The following PSD2 variants were observed in gnomAD, a reference collection of about 807,000 sequenced individuals.
PSD2 encodes PH and SEC7 domain-containing protein 2.
In PSD2, 38 loss-of-function variants were observed where a neutral mutation model predicts 69.8. The observed-to-expected ratio is 0.54, with a 90% confidence interval of 0.42 to 0.71. The LOEUF (loss-of-function observed/expected upper bound fraction) is 0.71. PSD2 is among the 30% of genes least tolerant of loss of function. PSD2 has a pLI of 0.00. For synonymous variants in PSD2, 412 were observed against 423.0 expected, an observed-to-expected ratio of 0.97 and a Z score of 0.32; for missense variants, 943 against 1,014.5, an observed-to-expected ratio of 0.93 and a Z score of 0.96.
At chr5:139,761,722 C>T in the PSD2 span, among the ~76,000 whole-genome samples, 1 of 152,214 alleles carries the variant, frequency 6.6e-6, no homozygotes, top group Admixed American at 6.5e-5. Context: ...AAATAGCCCA[C>T]CGGCCTCCAT....
chr5:139,799,125 T>C (rs79661763), intron 1 of PSD2, among the ~76,000 whole-genome samples: 2,200 of 152,256 alleles, frequency 0.014, 59 homozygotes, highest in African/African-American at 0.051. Context: ...TGCATGATAT[T>C]GGCAGGCACC....
At chr5:139,779,847 G>A in the PSD2 span, among the ~76,000 whole-genome samples, 1 of 152,292 alleles carries the variant, frequency 6.6e-6, no homozygotes, top group Non-Finnish European at 1.5e-5. Context: ...GTTGTTGCAT[G>A]TATCAGTAGT....
the PSD2 span, among the ~76,000 whole-genome samples, chr5:139,754,034 C>T: frequency 6.6e-6 from 1 of 152,264 alleles, no homozygotes; most frequent in African/African-American, 2.4e-5. Context: ...TGGGGTTTCA[C>T]CATGTTGGCC....
chr5:139,761,465 C>T, the PSD2 span, among the ~76,000 whole-genome samples: 2 of 152,158 alleles, frequency 1.3e-5, no homozygotes, highest in Non-Finnish European at 2.9e-5. Context: ...AAAGGGGCTT[C>T]GCACAGTTGT....
rs778176956 is a variant in PSD2 at position 139,813,396 on chromosome 5, C to G, written c.459C>G (p.Thr153=). The G allele has an allele frequency of 1.2e-6, 2 of 1,612,502 alleles. No individual in the cohort carries two copies. Among genetic ancestry groups the G allele is most frequent in the Non-Finnish European group, 1.7e-6 (2 of 1,178,724 alleles). Residue 153 remains threonine (T), a synonymous_variant, in exon 3 of 15, where the codon ACC becomes ACG. Coordinates refer to ENST00000274710, the MANE Select transcript of PSD2 (RefSeq NM_032289.4). The stretch of plus-strand genomic sequence containing the variant: ...TGGAGTCAGAGCTGCTGCGGGGCAC[C>G]CAGTACAGCAGCCTCGACTCCCTAG... ...KILESELLRG[T]QYSSLDSLDG...
At chr5:139,779,113 GTTTTTTAA>G in the PSD2 span, among the ~76,000 whole-genome samples, 1 of 151,910 alleles carries the variant, frequency 6.6e-6, no homozygotes, top group Admixed American at 6.6e-5. Flanking sequence ...GCCATCAGTT[GTTTTTTAA>G]TTTATTTATT....
chr5:139,763,458 A>G, the PSD2 span, among the ~76,000 whole-genome samples: 4 of 152,186 alleles, frequency 2.6e-5, no homozygotes, highest in African/African-American at 9.7e-5. Context: ...CGGGGAAGGC[A>G]AGAAGGCCGT....
Position 139,809,850 on chromosome 5 carries a change from G to A in PSD2, c.371+39G>A, listed in dbSNP as rs757182831. On this transcript the variant is annotated intron_variant, in intron 2 of 14. Coordinates refer to ENST00000274710, the MANE Select transcript of PSD2 (RefSeq NM_032289.4). ...TTGGGATGGGAGCTCACCACATTTG[G>A]CTGTTCTGTTGTTGTGTGGCCTGGG... The A allele has an allele frequency of 7.5e-6, 12 of 1,606,914 alleles. No individual in the cohort carries two copies. In the Admixed American group the frequency reaches 1.5e-4, roughly 21 times the overall value.
the PSD2 span, among the ~76,000 whole-genome samples, chr5:139,780,646 G>T: frequency 1.3e-5 from 2 of 152,158 alleles, no homozygotes; most frequent in Non-Finnish European, 1.5e-5. Flanking sequence ...GTTTCACCAT[G>T]TTGGCCAGAC....
At position 139,840,142 on chromosome 5, in the gene PSD2, G is replaced by T. The variant is rs147407858; in HGVS notation, c.2084G>T (p.Arg695Leu). The T allele has an allele frequency of 3.7e-6, 6 of 1,614,172 alleles. No individual in the cohort carries two copies. Among genetic ancestry groups the T allele is most frequent in the East Asian group, 2.2e-5 (1 of 44,874 alleles). Residue 695 changes from arginine to leucine, a missense_variant, in exon 14 of 15, where the codon CGG becomes CTG. This residue lies in a region of PSD2 where 165 missense variants were observed against 168.8 expected (regional missense o/e 0.98). Coordinates refer to ENST00000274710, the MANE Select transcript of PSD2 (RefSeq NM_032289.4). Reference sequence around the variant, plus strand: ...AAGTCCAAGGAGGCCGAGGAGTACCGGTTGAAGGAGCACTATCTCACCTTC... The same window carrying T: ...AAGTCCAAGGAGGCCGAGGAGTACCTGTTGAAGGAGCACTATCTCACCTTC... Reference protein sequence around the residue: ...GIKSKEAEEYRLKEHYLTFEK... With the variant: ...GIKSKEAEEYLLKEHYLTFEK...
chr5:139,834,876 A>T (rs1382129485), intron 8 of PSD2, among the ~76,000 whole-genome samples: 1 of 151,542 alleles, frequency 6.6e-6, no homozygotes, highest in Non-Finnish European at 1.5e-5. Context: ...TCATCCTCCC[A>T]TGCATCCACC....
At chr5:139,793,705 A>G (rs1444177276), upstream of PSD2, among the ~76,000 whole-genome samples, 2 of 152,242 alleles carry the variant, frequency 1.3e-5, no homozygotes, top group Non-Finnish European at 2.9e-5. Context: ...CAAGGGGCTC[A>G]GAGTCCATCC....
chr5:139,814,358 G>T lies in PSD2; in HGVS notation c.1010G>T (p.Gly337Val), dbSNP rs760419939. ...FQRCDVARQL[G>V]KNNEFSRLVA... ...CGCTGTGATGTGGCCCGGCAGCTGG[G>T]CAAGAAGTGAGTGTGAGCTCCCCTG... The change falls in exon 4 of 15, where the codon GGC becomes GTC. Residue 337 changes from glycine to valine, a missense_variant. Transcript: ENST00000274710. The surrounding 1 kb of genome is among the most constrained non-coding windows in gnomAD (Gnocchi z 4.4). 1 of 1,598,618 alleles carries T rather than the reference G, an allele frequency of 6.3e-7. No individual in the cohort carries two copies. The highest frequency in any genetic ancestry group is 8.5e-7 in the Non-Finnish European group (1 of 1,172,584).
the PSD2 span, among the ~76,000 whole-genome samples, chr5:139,769,748 G>A: frequency 2.6e-5 from 4 of 152,156 alleles, no homozygotes; most frequent in African/African-American, 4.8e-5. Flanking sequence ...ATTGCACTTC[G>A]GACTCAAGAC....
the PSD2 span, among the ~76,000 whole-genome samples, chr5:139,780,666 A>G: frequency 1.3e-5 from 2 of 151,626 alleles, no homozygotes; most frequent in Non-Finnish European, 2.9e-5. Context: ...CTGGTCTTGA[A>G]CTCCTGGTCT....
chr5:139,747,079 T>C, the PSD2 span, among the ~76,000 whole-genome samples: 1 of 152,174 alleles, frequency 6.6e-6, no homozygotes, highest in Non-Finnish European at 1.5e-5. The surrounding 1 kb of genome is among the most constrained non-coding windows in gnomAD (Gnocchi z 6.7). Flanking sequence ...CCCTTCTCTC[T>C]CTGGGTGTCT....
intron 5 of PSD2, 49 bp downstream of exon 5, chr5:139,817,610 T>G (rs371810809): frequency 2.0e-4 from 291 of 1,437,270 alleles, no homozygotes; most frequent in Non-Finnish European, 2.8e-4. Context: ...CAGGCTGCAC[T>G]TCTGGATTCT....
chr5:139,785,827 G>A, the PSD2 span, among the ~76,000 whole-genome samples: 612 of 152,288 alleles, frequency 4.0e-3, 2 homozygotes, highest in African/African-American at 0.014. Context: ...AGTGGCTCGC[G>A]CCTATAATCC....
In PSD2 at chr5:139,822,673, G is replaced by T. The variant is rs879141426; in HGVS notation, c.1211-53G>T. On this transcript the variant is annotated intron_variant, in intron 6 of 14. Coordinates refer to ENST00000274710, the MANE Select transcript of PSD2 (RefSeq NM_032289.4). ...CTGACGGGTTCCGTCAGGAGACAGG[G>T]AGTGGGAAGAGGTTGGATCCTCGCA... The T allele has an allele frequency of 1.9e-5, 28 of 1,507,532 alleles. No homozygotes were observed. The South Asian group carries it at 3.3e-4, about 18-fold the overall frequency. The allele number at this position is 1,507,532 out of a possible 1,614,324, so 93.4% of individuals were successfully genotyped here.
Sources: allele counts gnomAD v4.1 joint callset (sites outside exome capture counted in the v4.1 genomes callset), GRCh38; gene constraint gnomAD v4.1.1; regional missense constraint gnomAD v4.1.1; non-coding constraint Gnocchi (gnomAD v3.1); transcripts MANE v1.5; gene names NCBI Gene and HGNC (gene_info 2026-07-23, HGNC 2026-07-21).